Variants in PLS1 observed in about 807,000 individuals in gnomAD.
PLS1 encodes the protein plastin-1.
Under a neutral mutation model 73.7 loss-of-function variants are expected in PLS1, and 32 were observed. That is an observed-to-expected ratio of 0.43 (90% CI 0.33 to 0.58). The LOEUF (loss-of-function observed/expected upper bound fraction) is 0.58. Ranked by LOEUF, PLS1 falls within the 20% of genes least tolerant of loss-of-function variation. PLS1 has a pLI of 0.04. For missense variants in PLS1, 633 were observed against 740.5 expected, an observed-to-expected ratio of 0.85 and a Z score of 1.68; for synonymous variants, 217 against 261.3, an observed-to-expected ratio of 0.83 and a Z score of 1.63.
chr3:142,645,525 G>T (rs2036935480), intron 1 of PLS1: 1 of 152,176 alleles, frequency 6.6e-6, no homozygotes, highest in Non-Finnish European at 1.5e-5. Context: ...TGCTGTGAAT[G>T]ATTTGCATTG....
intron 1 of PLS1, among the ~76,000 whole-genome samples, chr3:142,650,502 C>T (rs2037063796): frequency 6.6e-6 from 1 of 152,086 alleles, no homozygotes; most frequent in African/African-American, 2.4e-5. Context: ...TGTGGGGATT[C>T]TCATTATATA....
chr3:142,602,352 C>T (rs527457681), intron 1 of PLS1, among the ~76,000 whole-genome samples: 15 of 152,108 alleles, frequency 9.9e-5, no homozygotes, highest in South Asian at 2.1e-4. Context: ...TCTGGAGTGA[C>T]CAGGTATAAG....
At chr3:142,607,937 T>C (rs2036053327) in intron 1 of PLS1, among the ~76,000 whole-genome samples, 1 of 152,182 alleles carries the variant, frequency 6.6e-6, no homozygotes. Context: ...CAGGGCAACT[T>C]GATCAGAATT....
chr3:142,680,566 T>G (rs1445826524), intron 6 of PLS1, among the ~76,000 whole-genome samples: 1 of 152,226 alleles, frequency 6.6e-6, no homozygotes, highest in African/African-American at 2.4e-5. Context: ...GTTTTATCAT[T>G]TCACAAAATT....
At chr3:142,652,660 C>T (rs1171691714) in intron 1 of PLS1, among the ~76,000 whole-genome samples, 1 of 152,228 alleles carries the variant, frequency 6.6e-6, no homozygotes, top group African/African-American at 2.4e-5. Flanking sequence ...TACTTCCTCA[C>T]TGATCACTTG....
chr3:142,621,074 T>C (rs150041120), intron 1 of PLS1, among the ~76,000 whole-genome samples: 1 of 152,280 alleles, frequency 6.6e-6, no homozygotes, highest in East Asian at 1.9e-4. Context: ...CACTTGGCCC[T>C]GATCAGTGGC....
At chr3:142,625,010 C>T (rs912369588) in intron 1 of PLS1, among the ~76,000 whole-genome samples, 6 of 152,094 alleles carry the variant, frequency 3.9e-5, no homozygotes, top group Non-Finnish European at 1.5e-5. Context: ...TATTTGATTA[C>T]CCTTATTAGG....
chr3:142,702,041 A>T (rs1415388899), intron 12 of PLS1, among the ~76,000 whole-genome samples: 1 of 152,240 alleles, frequency 6.6e-6, no homozygotes, highest in East Asian at 1.9e-4. Flanking sequence ...TCTCTGCATT[A>T]AAAAATTCTT....
At chr3:142,700,269 A>C (rs1390472183) in intron 12 of PLS1, among the ~76,000 whole-genome samples, 1 of 151,960 alleles carries the variant, frequency 6.6e-6, no homozygotes, top group African/African-American at 2.4e-5. Flanking sequence ...AAAGTTCTTA[A>C]AGCTGCACCA....
At chr3:142,605,118 A>G (rs1198318555) in intron 1 of PLS1, among the ~76,000 whole-genome samples, 2 of 152,198 alleles carry the variant, frequency 1.3e-5, no homozygotes, top group Non-Finnish European at 2.9e-5. Context: ...TTCTGACCCC[A>G]TGAGAAGGAA....
chr3:142,644,441 TG>T (rs1035205342), intron 1 of PLS1, among the ~76,000 whole-genome samples: 1 of 151,948 alleles, frequency 6.6e-6, no homozygotes, highest in Admixed American at 6.6e-5. Flanking sequence ...TTCATAGAGA[TG>T]GGGTCTCTCT....
chr3:142,639,974 G>A (rs976550284), intron 1 of PLS1, among the ~76,000 whole-genome samples: 22 of 152,180 alleles, frequency 1.4e-4, no homozygotes, highest in African/African-American at 3.6e-4. Flanking sequence ...AGTGTCTAAC[G>A]AAGCCTCGAA....
At chr3:142,704,715 C>T in intron 14 of PLS1, 129 bp downstream of exon 14, 1 of 402,438 alleles carries the variant, frequency 2.5e-6, no homozygotes, top group Non-Finnish European at 4.1e-6. Context: ...GTGGCGCGAT[C>T]TTGGCTCACT....
intron 1 of PLS1, among the ~76,000 whole-genome samples, chr3:142,642,210 A>G (rs1184038150): frequency 6.6e-6 from 1 of 152,108 alleles, no homozygotes; most frequent in Non-Finnish European, 1.5e-5. Flanking sequence ...CTTACTGATA[A>G]TCTCCTTTTT....
chr3:142,696,107 T>A (rs1253606119), intron 11 of PLS1, among the ~76,000 whole-genome samples: 1 of 152,230 alleles, frequency 6.6e-6, no homozygotes, highest in Non-Finnish European at 1.5e-5. Context: ...TTACTTTTAA[T>A]CTTAGTAACT....
chr3:142,636,189 G>A (rs1382472699), intron 1 of PLS1, among the ~76,000 whole-genome samples: 1 of 151,970 alleles, frequency 6.6e-6, no homozygotes, highest in African/African-American at 2.4e-5. Flanking sequence ...ACCACACCCA[G>A]CCCCTCTAGA....
intron 1 of PLS1, among the ~76,000 whole-genome samples, chr3:142,643,024 T>C (rs34471602): frequency 6.6e-6 from 1 of 152,224 alleles, no homozygotes; most frequent in African/African-American, 2.4e-5. Context: ...TTATTTGCTG[T>C]CTTCCTATTG....
chr3:142,615,357 T>G (rs1365996556), intron 1 of PLS1, among the ~76,000 whole-genome samples: 4 of 152,044 alleles, frequency 2.6e-5, no homozygotes, highest in African/African-American at 9.7e-5. Context: ...GCATTATGGC[T>G]GAGACAAGGC....
intron 1 of PLS1, among the ~76,000 whole-genome samples, chr3:142,642,465 G>C (rs1156963475): frequency 6.6e-6 from 1 of 152,094 alleles, no homozygotes; most frequent in Non-Finnish European, 1.5e-5. Context: ...AAATGGAATT[G>C]TTTCATCAAC....
Sources: allele counts gnomAD v4.1 joint callset (sites outside exome capture counted in the v4.1 genomes callset), GRCh38; gene constraint gnomAD v4.1.1; transcripts MANE v1.5; gene names NCBI Gene and HGNC (gene_info 2026-07-23, HGNC 2026-07-21).